The following KLHL29 variants were observed in gnomAD, a reference collection of about 807,000 sequenced individuals.
KLHL29 encodes kelch like family member 29, also known as kelch-like protein 29.
A neutral mutation model predicts 80.4 loss-of-function variants in KLHL29; 21 were observed. That is an observed-to-expected ratio of 0.26 (90% CI 0.19 to 0.38). The LOEUF (loss-of-function observed/expected upper bound fraction) is 0.38, where lower values mean the gene tolerates loss of function less well. Ranked by LOEUF, KLHL29 falls within the 10% of genes least tolerant of loss-of-function variation. The pLI, the probability that KLHL29 is intolerant of heterozygous loss-of-function variation, is 1.00. For synonymous variants in KLHL29, 511 were observed against 526.8 expected (o/e 0.97, Z 0.41); for missense variants, 867 against 1,223.9 (o/e 0.71, Z 4.35).
At chr2:23,591,202 G>A (rs1668250554) in intron 3 of KLHL29, among the ~76,000 whole-genome samples, 1 of 152,184 alleles carries the variant, frequency 6.6e-6, no homozygotes, top group South Asian at 2.1e-4. Context: ...GTGAAAAGGA[G>A]CAACGGCCCT....
chr2:23,428,897 C>T (rs540599861), intron 1 of KLHL29, among the ~76,000 whole-genome samples: 63 of 152,204 alleles, frequency 4.1e-4, no homozygotes, highest in African/African-American at 1.4e-3. Context: ...GTCTCCTTTT[C>T]GGACAATATA....
At chr2:23,395,841 AC>A (rs527399367) in intron 1 of KLHL29, among the ~76,000 whole-genome samples, 31 of 152,082 alleles carry the variant, frequency 2.0e-4, no homozygotes, top group African/African-American at 7.0e-4. Flanking sequence ...CTAGGTACAG[AC>A]CAGTTTGCAT....
chr2:23,424,892 G>A (rs1327904047), intron 1 of KLHL29, among the ~76,000 whole-genome samples: 5 of 152,094 alleles, frequency 3.3e-5, no homozygotes, highest in Admixed American at 6.5e-5. Flanking sequence ...TCTAACGATC[G>A]GGTCACAAAA....
chr2:23,597,383 G>A (rs815354), intron 3 of KLHL29, among the ~76,000 whole-genome samples: 6,036 of 23,406 alleles, frequency 0.26, 431 homozygotes, highest in Admixed American at 0.44. Flanking sequence ...GTGTGTGTGT[G>A]TATATATATA....
intron 3 of KLHL29, chr2:23,616,469 A>G (rs908212450): frequency 1.3e-5 from 2 of 152,226 alleles, no homozygotes; most frequent in Admixed American, 6.5e-5. Context: ...CCCGCATCCT[A>G]TTCTGCTGAA....
At chr2:23,541,794 C>T (rs1049756501) in intron 2 of KLHL29, among the ~76,000 whole-genome samples, 1 of 132,380 alleles carries the variant, frequency 7.6e-6, no homozygotes, top group Admixed American at 7.2e-5. Context: ...AACCATAAAA[C>T]TGGTGCTCCC....
chr2:23,565,090 C>T (rs970736605), intron 3 of KLHL29, among the ~76,000 whole-genome samples: 1 of 152,156 alleles, frequency 6.6e-6, no homozygotes, highest in African/African-American at 2.4e-5. Context: ...GTGAAGTGCT[C>T]AGAACAAGAC....
At chr2:23,428,583 G>A (rs1231532658) in intron 1 of KLHL29, among the ~76,000 whole-genome samples, 1 of 152,044 alleles carries the variant, frequency 6.6e-6, no homozygotes, top group Non-Finnish European at 1.5e-5. Flanking sequence ...GGCAAGAAAG[G>A]TACCTTGTTT....
chr2:23,571,296 G>A (rs752317174), intron 3 of KLHL29, among the ~76,000 whole-genome samples: 4 of 152,258 alleles, frequency 2.6e-5, no homozygotes, highest in Non-Finnish European at 4.4e-5. Flanking sequence ...CCTGCCTGGT[G>A]AGTTGATTGT....
intron 5 of KLHL29, among the ~76,000 whole-genome samples, chr2:23,663,769 A>G (rs1670483808): frequency 6.6e-6 from 1 of 152,252 alleles, no homozygotes; most frequent in Admixed American, 6.5e-5. Flanking sequence ...TGGAAAGAAC[A>G]GATTAAATGC....
chr2:23,525,735 C>G (rs1175317820), intron 2 of KLHL29, among the ~76,000 whole-genome samples: 6 of 20,822 alleles, frequency 2.9e-4, no homozygotes, highest in African/African-American at 1.4e-3. Flanking sequence ...TGCCCCCCCC[C>G]CCCACCCGAG....
chr2:23,534,383 C>G (rs2103479843), intron 2 of KLHL29, among the ~76,000 whole-genome samples: 1 of 152,296 alleles, frequency 6.6e-6, no homozygotes, highest in African/African-American at 2.4e-5. Flanking sequence ...GTTATTATGT[C>G]TCAATGCCTT....
chr2:23,593,245 CA>C (rs1202665428), intron 3 of KLHL29, among the ~76,000 whole-genome samples: 4 of 152,162 alleles, frequency 2.6e-5, no homozygotes, highest in Non-Finnish European at 4.4e-5. Flanking sequence ...TCCTGAGGCT[CA>C]AAAATGAAGA....
At chr2:23,533,989 T>C (rs2103479611) in intron 2 of KLHL29, among the ~76,000 whole-genome samples, 1 of 152,272 alleles carries the variant, frequency 6.6e-6, no homozygotes, top group East Asian at 1.9e-4. Flanking sequence ...ACAGCTCTTT[T>C]TGGGGTATGT....
At chr2:23,411,280 AC>A (rs1210724973) in intron 1 of KLHL29, among the ~76,000 whole-genome samples, 2 of 152,196 alleles carry the variant, frequency 1.3e-5, no homozygotes, top group Non-Finnish European at 2.9e-5. Flanking sequence ...GGTAGTGAGA[AC>A]ATTTGGGGCA....
At chr2:23,699,165 C>T (rs1045633499) in intron 11 of KLHL29, among the ~76,000 whole-genome samples, 1 of 152,224 alleles carries the variant, frequency 6.6e-6, no homozygotes, top group Non-Finnish European at 1.5e-5. Flanking sequence ...CGCTCAGAGG[C>T]AGAGGCACGG....
intron 2 of KLHL29, among the ~76,000 whole-genome samples, chr2:23,488,193 C>T (rs1041005645): frequency 3.9e-5 from 6 of 152,224 alleles, no homozygotes; most frequent in South Asian, 4.1e-4. Context: ...CTGGCCTGAG[C>T]TCCTTGCTTT....
intron 3 of KLHL29, among the ~76,000 whole-genome samples, chr2:23,581,834 A>AAAAAAC (rs1332342374): frequency 6.6e-6 from 1 of 151,634 alleles, no homozygotes; most frequent in Non-Finnish European, 1.5e-5. Flanking sequence ...GCCTCAAAAA[A>AAAAAAC]AAAAAAAAAA....
chr2:23,552,621 A>T (rs1483097141), intron 2 of KLHL29, among the ~76,000 whole-genome samples: 2 of 152,156 alleles, frequency 1.3e-5, no homozygotes, highest in African/African-American at 4.8e-5. Context: ...TTTCACTGGC[A>T]TTGGAGAAAG....
Sources: allele counts gnomAD v4.1 joint callset (sites outside exome capture counted in the v4.1 genomes callset), GRCh38; gene constraint gnomAD v4.1.1; transcripts MANE v1.5; gene names NCBI Gene and HGNC (gene_info 2026-07-23, HGNC 2026-07-21).